Variants in RBM19 observed in about 807,000 individuals in gnomAD.
The protein encoded by RBM19 is probable RNA-binding protein 19.
In RBM19, 94 loss-of-function variants were observed where a neutral mutation model predicts 116.8. The observed-to-expected ratio is 0.80, with a 90% CI of 0.68 to 0.95. The LOEUF (loss-of-function observed/expected upper bound fraction) is 0.95. Among genes scored for constraint, RBM19 ranks in the 40% least tolerant of loss-of-function variants. RBM19 has a pLI of 0.00. For missense variants in RBM19, 1,161 were observed against 1,220.7 expected (o/e 0.95, Z 0.73); for synonymous variants, 475 against 494.1 (o/e 0.96, Z 0.51).
exon 25 of RBM19, chr12:113,817,001 A>T (rs1874072066): frequency 6.6e-6 from 1 of 152,214 alleles, no homozygotes; most frequent in South Asian, 2.1e-4. Context: ...ATCTCGGCAG[A>T]ACAAATTGAA....
chr12:113,868,397 A>G (rs1013891091), intron 21 of RBM19, among the ~76,000 whole-genome samples: 1 of 152,226 alleles, frequency 6.6e-6, no homozygotes, highest in Non-Finnish European at 1.5e-5. Flanking sequence ...ATAGAGTTTT[A>G]AAAATCAGAG....
intron 21 of RBM19, among the ~76,000 whole-genome samples, chr12:113,871,737 C>A (rs536004174): frequency 6.6e-6 from 1 of 152,346 alleles, no homozygotes; most frequent in South Asian, 2.1e-4. Flanking sequence ...CAGATCTGAC[C>A]AGTGTCCCCA....
intron 15 of RBM19, among the ~76,000 whole-genome samples, chr12:113,939,573 C>A (rs1870365017): frequency 6.6e-6 from 1 of 151,334 alleles, no homozygotes; most frequent in Admixed American, 6.6e-5. Flanking sequence ...CACGGTGAAA[C>A]CCCGTCTCTA....
intron 21 of RBM19, among the ~76,000 whole-genome samples, chr12:113,877,901 A>G (rs186118061): frequency 6.6e-6 from 1 of 152,332 alleles, no homozygotes; most frequent in Admixed American, 6.5e-5. Context: ...GATACAGAGG[A>G]AAAAAGGAAA....
chr12:113,959,482 TG>T, intron 4 of RBM19, 78 bp from the exon 5 acceptor site: 3 of 1,448,808 alleles, frequency 2.1e-6, no homozygotes, highest in Non-Finnish European at 2.8e-6. Context: ...AGGTGGGGCT[TG>T]ATCTTTCTAA....
Position 113,926,560 on chromosome 12 carries a change from T to G in RBM19, c.2244+494A>C, listed in dbSNP as rs185258812. On this transcript the variant is annotated intron_variant, in intron 17 of 23. Transcript: ENST00000261741. The stretch of plus-strand genomic sequence containing the variant: ...CCCCGGCCCTCACTCAGGGCAGCCC[T>G]CATTTGGCTTTTACTAACCTTCTAT... 3.3e-5 allele frequency among the ~76,000 whole-genome samples: 5 copies of G among 151,714 alleles called. No homozygotes were observed. In the East Asian group the frequency reaches 9.8e-4, roughly 30 times the overall value.
intron 2 of RBM19, 60 bp downstream of exon 2, chr12:113,962,172 G>T: frequency 6.3e-7 from 1 of 1,583,438 alleles, no homozygotes. Context: ...AGTGCTGAGT[G>T]AAAGATCAAA....
chr12:113,839,315 G>A (rs1876249719), intron 23 of RBM19, among the ~76,000 whole-genome samples: 1 of 152,248 alleles, frequency 6.6e-6, no homozygotes, highest in African/African-American at 2.4e-5. Flanking sequence ...CTGAACATTT[G>A]AGGCTGCTGT....
At chr12:113,922,036 C>G (rs188543401) in intron 18 of RBM19, among the ~76,000 whole-genome samples, 1 of 152,102 alleles carries the variant, frequency 6.6e-6, no homozygotes, top group African/African-American at 2.4e-5. Context: ...TCCACATGTC[C>G]CCACCCGCCT....
Position 113,922,353 on chromosome 12 carries a change from A to G in RBM19, c.2306-1663T>C, listed in dbSNP as rs575986775. On this transcript the variant is annotated intron_variant, in intron 18 of 23. Coordinates refer to ENST00000261741, the MANE Select transcript of RBM19 (RefSeq NM_016196.4). ...TATACTTTGTTTAGATTTTCACCAAACTGTGACGGATGGGCCCCAGAGAAC... is the reference window on the plus strand; with the variant it reads ...TATACTTTGTTTAGATTTTCACCAAGCTGTGACGGATGGGCCCCAGAGAAC... Among the ~76,000 whole-genome samples, 68 of 152,198 alleles carry G rather than the reference A, an allele frequency of 4.5e-4. No individual in the cohort carries two copies. The Middle Eastern group carries it at 0.024, about 53-fold the overall frequency.
intron 23 of RBM19, among the ~76,000 whole-genome samples, chr12:113,840,048 G>A (rs1876328907): frequency 6.6e-6 from 1 of 151,320 alleles, no homozygotes; most frequent in Non-Finnish European, 1.5e-5. Context: ...GCCATACGGG[G>A]ACCCAGGTAA....
At position 113,844,776 on chromosome 12, in the gene RBM19, C is replaced by A. The variant is rs748653257; in HGVS notation, c.2677G>T (p.Ala893Ser). 6.2e-7 allele frequency: 1 copy of A among 1,612,556 alleles called. No homozygotes were observed. Among genetic ancestry groups the A allele is most frequent in the Non-Finnish European group, 8.5e-7 (1 of 1,179,332 alleles). Residue 893 changes from alanine to serine, a missense_variant, in exon 23 of 24, where the codon GCC becomes TCC. Coordinates refer to ENST00000261741, the MANE Select transcript of RBM19 (RefSeq NM_016196.4). ...TACAAGTGGGTGCTGTGACACAGGG[C>A]GTTGAAGGCTCTCTGCAGAGGGACA... is the stretch of plus-strand genomic sequence containing the variant. ...TKQDAKRAFNALCHSTHLYGR... is the reference protein window; with the variant it reads ...TKQDAKRAFNSLCHSTHLYGR...
intron 23 of RBM19, among the ~76,000 whole-genome samples, chr12:113,835,365 G>A (rs1002809986): frequency 2.6e-5 from 4 of 152,262 alleles, no homozygotes; most frequent in South Asian, 2.1e-4. Context: ...TTGTACCCCC[G>A]CAAAGGATAA....
chr12:113,887,113 G>A (rs143182038), intron 21 of RBM19, among the ~76,000 whole-genome samples: 202 of 152,184 alleles, frequency 1.3e-3, no homozygotes, highest in African/African-American at 4.6e-3. Flanking sequence ...CAATTTCATC[G>A]TCTATGATAC....
At chr12:113,821,417 G>T (rs991519196), downstream of RBM19, among the ~76,000 whole-genome samples, 1 of 152,124 alleles carries the variant, frequency 6.6e-6, no homozygotes, top group Non-Finnish European at 1.5e-5. Context: ...ATGTGCCGCC[G>T]AACAGGACAC....
chr12:113,909,704 G>A (rs1406213984), intron 21 of RBM19, among the ~76,000 whole-genome samples: 1 of 152,060 alleles, frequency 6.6e-6, no homozygotes, highest in East Asian at 1.9e-4. Flanking sequence ...CTGTGTATAT[G>A]GACAGGCTAA....
intron 22 of RBM19, among the ~76,000 whole-genome samples, chr12:113,854,030 A>C (rs1049329384): frequency 6.6e-6 from 1 of 152,142 alleles, no homozygotes; most frequent in Non-Finnish European, 1.5e-5. Flanking sequence ...GGAGATACAC[A>C]GAATTTAAGT....
At chr12:113,885,867 C>CTTT (rs1004711498) in intron 21 of RBM19, among the ~76,000 whole-genome samples, 11 of 125,274 alleles carry the variant, frequency 8.8e-5, no homozygotes, top group African/African-American at 1.5e-4. Flanking sequence ...TCAGCTTTGC[C>CTTT]TTTTTTTTTT....
At chr12:113,883,749 T>C (rs1216453996) in intron 21 of RBM19, among the ~76,000 whole-genome samples, 1 of 152,234 alleles carries the variant, frequency 6.6e-6, no homozygotes, top group Non-Finnish European at 1.5e-5. Context: ...CATCCTGCTG[T>C]AGATGGGGCC....
Sources: gnomAD v4.1 joint callset for allele counts (sites outside exome capture counted in the v4.1 genomes callset) on GRCh38, gnomAD v4.1.1 for gene constraint, MANE v1.5 for transcripts, NCBI Gene and HGNC (gene_info 2026-07-23, HGNC 2026-07-21) for gene names.